TLN1: variants seen among roughly 807,000 people sequenced by gnomAD.
TLN1 encodes talin 1.
Under a neutral mutation model 292.3 loss-of-function variants are expected in TLN1, and 56 were observed. That is an observed-to-expected ratio of 0.19 (90% confidence interval 0.15 to 0.24). The LOEUF is 0.24. TLN1 is among the 10% of genes least tolerant of loss of function. The probability of loss-of-function intolerance (pLI) is 1.00; values close to 1 mark genes in which losing one functional copy is unlikely to be tolerated. For missense variants in TLN1, 2,433 were observed against 3,248.2 expected (o/e 0.75, Z 6.10); for synonymous variants, 1,119 against 1,253.7 (o/e 0.89, Z 2.27).
In TLN1 at chr9:35,699,043, C is replaced by T. The variant is rs1280248661; in HGVS notation, c.6988G>A (p.Ala2330Thr). 1.9e-6 allele frequency: 3 copies of T among 1,613,020 alleles called. No individual in the cohort carries two copies. Among genetic ancestry groups the T allele is most frequent in the Admixed American group, 3.3e-5 (2 of 59,870 alleles). The change falls in exon 52 of 57, where the codon GCC (alanine) becomes ACC (threonine). Residue 2330 changes from alanine (A) to threonine (T), a missense_variant. Coordinates refer to ENST00000314888, the MANE Select transcript of TLN1 (RefSeq NM_006289.4). The surrounding 1 kb of genome is among the most constrained non-coding windows in gnomAD (Gnocchi z 4.0). ...GGAGCAGGACTGACCTTGGGTTTGG[C>T]CCGGGGCTTCAGCTGCTCTAGCTTT... is the stretch of plus-strand genomic sequence containing the variant. ...AKKLEQLKPRAKPKEADESLN... is the reference protein window; with the variant it reads ...AKKLEQLKPRTKPKEADESLN...
chr9:35,708,103 C>T, intron 34 of TLN1: 1 of 711,842 alleles, frequency 1.4e-6, no homozygotes, highest in Non-Finnish European at 2.2e-6. Context: ...ATGGAGAAAC[C>T]ATAAGAGGGC....
intron 43 of TLN1, 78 bp downstream of exon 43, chr9:35,705,473 T>C: frequency 1.4e-6 from 2 of 1,387,124 alleles, no homozygotes; most frequent in Non-Finnish European, 1.9e-6. Context: ...CCAGAGAGGG[T>C]GGGGGTGGGA....
chr9:35,719,925 G>C lies in TLN1; in HGVS notation c.1465-72C>G. On this transcript the variant is annotated intron_variant, in intron 13 of 56. Coordinates refer to ENST00000314888, the MANE Select transcript of TLN1 (RefSeq NM_006289.4). This position sits in a 1 kb window ranked among gnomAD's most constrained non-coding sequence, Gnocchi z 4.6. ...AAAAGAGAAGGTAAAAGAGAACCAG[G>C]GTCTAGGGAGAGAATACAAATAGGG... 1.3e-6 allele frequency: 2 copies of C among 1,576,042 alleles called. No individual in the cohort carries two copies.
At chr9:35,712,147 G>C (rs768360372) in intron 27 of TLN1, 23 bp from the exon 28 acceptor site, 185 of 1,606,204 alleles carry the variant, frequency 1.2e-4, no homozygotes, top group Non-Finnish European at 9.9e-5. Flanking sequence ...AGGAGACAGG[G>C]TTGCCCAAGT....
Position 35,714,648 on chromosome 9 carries a change from G to A in TLN1, c.2911C>T (p.Arg971Ter). Residue 971 changes from arginine (R) to a stop codon, truncating the protein, a stop_gained, in exon 23 of 57, where the codon CGA becomes TGA. Coordinates refer to ENST00000314888, the MANE Select transcript of TLN1 (RefSeq NM_006289.4). LOFTEE classifies it high-confidence loss of function. The surrounding 1 kb of genome is among the most constrained non-coding windows in gnomAD (Gnocchi z 4.6). ...EQIPLLVQGV[R>*]GSQAQPDSPS... ...CTGTCAGGCTGGGCTTGGCTTCCTC[G>A]GACGCCCTGCACCAGCAGTGGAATC... 1 of 1,613,822 alleles carries A rather than the reference G, an allele frequency of 6.2e-7. No individual in the cohort carries two copies. Among genetic ancestry groups the A allele is most frequent in the African/African-American group, 1.3e-5 (1 of 75,040 alleles).
In TLN1 at chr9:35,707,959, AT is replaced by A; in HGVS notation, c.4471-68del. The A allele has an allele frequency of 6.4e-7, 1 of 1,571,210 alleles. No individual in the cohort carries two copies. Among genetic ancestry groups the A allele is most frequent in the South Asian group, 1.1e-5 (1 of 88,626 alleles). ...AGGTGTACATACCCAAGGAGGAGCC[AT>A]TTTAGGGTCAGGGGATGGAGAGCAA... On this transcript the variant is annotated intron_variant, in intron 34 of 56. Coordinates refer to ENST00000314888, the MANE Select transcript of TLN1 (RefSeq NM_006289.4). The surrounding 1 kb of genome is among the most constrained non-coding windows in gnomAD (Gnocchi z 5.6).
intron 47 of TLN1, 36 bp downstream of exon 47, chr9:35,703,739 A>G (rs753898339): frequency 5.6e-6 from 9 of 1,614,220 alleles, no homozygotes; most frequent in Non-Finnish European, 7.6e-6. Flanking sequence ...ATGTTAATCC[A>G]GTGCCCCTCC....
At chr9:35,709,755 C>T (rs1378776231) in intron 33 of TLN1, among the ~76,000 whole-genome samples, 6 of 150,082 alleles carry the variant, frequency 4.0e-5, no homozygotes, top group East Asian at 2.0e-4. Context: ...GGCATGGTGG[C>T]GCGCGCCTGT....
intron 1 of TLN1, among the ~76,000 whole-genome samples, chr9:35,727,364 G>A (rs1186472969): frequency 6.6e-6 from 1 of 152,160 alleles, no homozygotes; most frequent in Non-Finnish European, 1.5e-5. Context: ...GAGATGGGAT[G>A]AGGAGAATTG....
chr9:35,710,328 G>T (rs1825645454), intron 33 of TLN1, among the ~76,000 whole-genome samples: 1 of 152,052 alleles, frequency 6.6e-6, no homozygotes, highest in African/African-American at 2.4e-5. Flanking sequence ...CCTCACGGTT[G>T]GGCAGTGTAA....
At position 35,706,124 on chromosome 9, in the gene TLN1, G is replaced by A. The variant is rs912014431; in HGVS notation, c.5362-13C>T. The A allele has an allele frequency of 1.4e-5, 22 of 1,613,790 alleles. No homozygotes were observed. The highest frequency in any genetic ancestry group is 1.8e-5 in the Non-Finnish European group (21 of 1,179,936). On this transcript the variant is annotated splice_polypyrimidine_tract_variant and intron_variant, in intron 40 of 56. Transcript: ENST00000314888. The surrounding 1 kb of genome is among the most constrained non-coding windows in gnomAD (Gnocchi z 4.2). The stretch of plus-strand genomic sequence containing the variant: ...TGTGAGCTGCTTGCTGTGGGGAGAG[G>A]AGAGGAGCTCTGTTGTTCCTGTTTC...
rs1279686601 is a variant in TLN1, at chr9:35,719,244, C to T, written c.1726G>A (p.Ala576Thr). ...AETDYTAVGC[A>T]VTTISSNLTE... is the part of the protein sequence containing the mutation. Reference sequence around the variant, plus strand: ...AGGTTGGAGGAGATTGTGGTGACTGCACAGCCCACTGCGGTATAGTCTGTC... The same window carrying T: ...AGGTTGGAGGAGATTGTGGTGACTGTACAGCCCACTGCGGTATAGTCTGTC... Residue 576 changes from alanine (A) to threonine (T), a missense_variant, in exon 16 of 57, where the codon GCA (alanine) becomes ACA (threonine). Ala to Thr is a moderately conservative substitution (Grantham distance 58, BLOSUM62 0). Around this residue, in one of 7 missense-constraint regions of TLN1, gnomAD observed 617 missense variants for 770.6 expected, o/e 0.80. Transcript: ENST00000314888. The surrounding 1 kb of genome is among the most constrained non-coding windows in gnomAD (Gnocchi z 4.6). The T allele has an allele frequency of 1.2e-6, 2 of 1,614,172 alleles. No individual in the cohort carries two copies. Among genetic ancestry groups the T allele is most frequent in the Non-Finnish European group, 1.7e-6 (2 of 1,180,012 alleles).
intron 1 of TLN1, among the ~76,000 whole-genome samples, chr9:35,728,224 G>C (rs1826012529): frequency 6.6e-6 from 1 of 152,148 alleles, no homozygotes; most frequent in African/African-American, 2.4e-5. Flanking sequence ...TGGGGTACTT[G>C]GAGAATATAG....
Position 35,697,732 on chromosome 9 carries a change from C to T in TLN1, c.*59G>A. The stretch of plus-strand genomic sequence containing the variant: ...GGTTGGGCCCCGACAGCCCAGAAGG[C>T]TTTGGTAGTGGCACGCACAGTCTCT... On this transcript the variant is annotated 3_prime_UTR_variant, in exon 57 of 57. Transcript: ENST00000314888. 2 of 1,596,068 alleles carry T rather than the reference C, an allele frequency of 1.3e-6. 1 individual carries two copies. The highest frequency in any genetic ancestry group is 2.2e-5 in the South Asian group (2 of 89,340).
Position 35,697,928 on chromosome 9 carries a change from G to T in TLN1, c.7501-12C>A. ...TGTGCTGCGATGATCTGAGGGTGGAGATCGGGGACTTAGTTCAGTGAGGAT... is the reference window on the plus strand; with the variant it reads ...TGTGCTGCGATGATCTGAGGGTGGATATCGGGGACTTAGTTCAGTGAGGAT... On this transcript the variant is annotated splice_polypyrimidine_tract_variant and intron_variant, in intron 56 of 56. Transcript: ENST00000314888. The T allele has an allele frequency of 1.2e-6, 2 of 1,614,130 alleles. No homozygotes were observed. The highest frequency in any genetic ancestry group is 1.7e-6 in the Non-Finnish European group (2 of 1,180,018).
Position 35,714,737 on chromosome 9 carries a change from C to A in TLN1, c.2871+23G>T. The A allele has an allele frequency of 6.2e-7, 1 of 1,609,234 alleles. No homozygotes were observed. The highest frequency in any genetic ancestry group is 8.5e-7 in the Non-Finnish European group (1 of 1,177,106). Reference sequence around the variant, plus strand: ...ACCCACAAGTCTCCCTCTTCCACTCCCACATCCTTCCTAGAGTCTTACCTT... The same window carrying A: ...ACCCACAAGTCTCCCTCTTCCACTCACACATCCTTCCTAGAGTCTTACCTT... On this transcript the variant is annotated intron_variant, in intron 22 of 56. Coordinates refer to ENST00000314888, the MANE Select transcript of TLN1 (RefSeq NM_006289.4). The surrounding 1 kb of genome is among the most constrained non-coding windows in gnomAD (Gnocchi z 4.6).
Position 35,717,168 on chromosome 9 carries a change from G to A in TLN1, c.2436C>T (p.Ile812=). The A allele has an allele frequency of 2.5e-6, 4 of 1,605,138 alleles. No individual in the cohort carries two copies. Among genetic ancestry groups the A allele is most frequent in the Non-Finnish European group, 3.4e-6 (4 of 1,172,334 alleles). Residue 812 remains isoleucine (I), a synonymous_variant, in exon 19 of 57, where the codon ATC becomes ATT. Transcript: ENST00000314888. The surrounding 1 kb of genome is among the most constrained non-coding windows in gnomAD (Gnocchi z 4.7). ...TDTILTVTEN[I]FSSMGDAGEM... is the part of the protein sequence containing the mutation. Reference sequence around the variant, plus strand: ...TACCAGCATCACCCATGGAGCTAAAGATGTTCTCAGTGACGGTTAGGATGG... The same window carrying A: ...TACCAGCATCACCCATGGAGCTAAAAATGTTCTCAGTGACGGTTAGGATGG...
rs139053465 is a variant in TLN1 at position 35,706,229 on chromosome 9, T to C, written c.5328A>G (p.Leu1776=). 15 of 1,611,242 alleles carry C rather than the reference T, an allele frequency of 9.3e-6. No homozygotes were observed. The African/African-American group carries it at 1.3e-4, about 14-fold the overall frequency. ...TACCACCAGCCTCCTTGGCAGTGTA[T>C]AGCAACTGCAGGGCAGACTCTGCCA... ...KTLAESALQL[L]YTAKEAGGNP... is the part of the protein sequence containing the mutation. Residue 1776 remains leucine (L), a synonymous_variant, in exon 40 of 57, where the codon CTA becomes CTG. Coordinates refer to ENST00000314888, the MANE Select transcript of TLN1 (RefSeq NM_006289.4). This position sits in a 1 kb window ranked among gnomAD's most constrained non-coding sequence, Gnocchi z 4.2.
chr9:35,704,869 T>G lies in TLN1; in HGVS notation c.5734-54A>C, dbSNP rs1212462569. The G allele has an allele frequency of 1.9e-6, 3 of 1,580,290 alleles. No individual in the cohort carries two copies. In the African/African-American group the frequency reaches 4.1e-5, roughly 22 times the overall value. On this transcript the variant is annotated intron_variant, in intron 43 of 56. Coordinates refer to ENST00000314888, the MANE Select transcript of TLN1 (RefSeq NM_006289.4). The surrounding 1 kb of genome is among the most constrained non-coding windows in gnomAD (Gnocchi z 6.9). Reference sequence around the variant, plus strand: ...TTTACAAGGGGCACTCAGGGTACCTTCACTGTGCTTGGAAAAGTCACTAAG... The same window carrying G: ...TTTACAAGGGGCACTCAGGGTACCTGCACTGTGCTTGGAAAAGTCACTAAG...
Sources: allele counts gnomAD v4.1 joint callset (sites outside exome capture counted in the v4.1 genomes callset), GRCh38; gene constraint gnomAD v4.1.1; regional missense constraint gnomAD v4.1.1; non-coding constraint Gnocchi (gnomAD v3.1); transcripts MANE v1.5; gene names NCBI Gene and HGNC (gene_info 2026-07-23, HGNC 2026-07-21).